The following SCAMP4 variants were observed in gnomAD, a reference collection of about 807,000 sequenced individuals.
The protein encoded by SCAMP4 is secretory carrier-associated membrane protein 4.
SCAMP4 carries 19 observed loss-of-function variants against 32.1 expected under a neutral mutation model. The ratio of observed to expected loss-of-function variants is 0.59; its 90% CI spans 0.41 to 0.87. The LOEUF (loss-of-function observed/expected upper bound fraction) is 0.87, where lower values mean the gene tolerates loss of function less well. SCAMP4 is among the 40% of genes least tolerant of loss of function. The pLI, the probability that SCAMP4 is intolerant of heterozygous loss-of-function variation, is 0.00. For missense variants in SCAMP4, 302 were observed against 309.0 expected (o/e 0.98, Z 0.17); for synonymous variants, 152 against 132.7 (o/e 1.15, Z -1.00).
chr19:1,920,460 C>T (rs1480011564), intron 5 of SCAMP4: 1 of 642,242 alleles, frequency 1.6e-6, no homozygotes, highest in Non-Finnish European at 1.9e-6. Context: ...CGCCTGGCGC[C>T]AGGCCCTCCA....
At position 1,908,398 on chromosome 19, in the gene SCAMP4, G is replaced by A. The variant is rs545759637; in HGVS notation, c.-42+2959G>A. On this transcript the variant is annotated intron_variant, in intron 1 of 6. Coordinates refer to ENST00000316097, the MANE Select transcript of SCAMP4 (RefSeq NM_079834.4). The surrounding 1 kb of genome is among the most constrained non-coding windows in gnomAD (Gnocchi z 4.2). ...TCCCCCATCTGTGGGGCGCCCCGGC[G>A]GCTGAGGCGTGGACCAGGCAGTGCA... 1.3e-4 allele frequency: 55 copies of A among 424,366 alleles called. No individual in the cohort carries two copies. Among genetic ancestry groups the A allele is most frequent in the African/African-American group, 5.7e-4 (28 of 49,048 alleles). 26.3% of individuals were successfully genotyped at this position (424,366 alleles called of 1,614,324 possible). A position where few individuals can be genotyped will look rare whatever the true frequency, so the allele number is the denominator to read the frequency against.
chr19:1,912,735 T>G (rs746157153), intron 1 of SCAMP4: 3 of 1,536,948 alleles, frequency 2.0e-6, no homozygotes, highest in Non-Finnish European at 2.6e-6. Flanking sequence ...CGGCCACGAC[T>G]GCAGCTGCGC....
chr19:1,924,006 T>C (rs10526851), intron 6 of SCAMP4, 102 bp from the exon 7 acceptor site: 312,246 of 463,780 alleles, frequency 0.67, 116,228 homozygotes, highest in East Asian at 0.75. Context: ...ACAGTCTGTC[T>C]GCCTCGGCCT....
chr19:1,919,293 C>T (rs1384013511), intron 5 of SCAMP4: 1 of 1,228,556 alleles, frequency 8.1e-7, no homozygotes, highest in African/African-American at 1.5e-5. Context: ...TTGATCACAC[C>T]CCTGACCCGG....
At position 1,917,837 on chromosome 19, in the gene SCAMP4, G is replaced by A. The variant is rs1371523529; in HGVS notation, c.136+15G>A. On this transcript the variant is annotated intron_variant, in intron 3 of 6. Transcript: ENST00000316097. ...GCTGTGGATGTGTGAGTGCGCCTGG[G>A]GGCAGGAGGCGGGAAGCGGGAGGCA... The A allele has an allele frequency of 1.2e-6, 2 of 1,613,372 alleles. No individual in the cohort carries two copies. The highest frequency in any genetic ancestry group is 2.7e-5 in the African/African-American group (2 of 74,950).
At chr19:1,906,251 T>TG (rs2013107203) in intron 1 of SCAMP4, 2 of 152,120 alleles carry the variant, frequency 1.3e-5, no homozygotes, top group South Asian at 4.1e-4. Context: ...AACCAGCTAC[T>TG]GGGGAGGCCA....
In SCAMP4 at chr19:1,924,093, C is replaced by T. The variant is rs369503670; in HGVS notation, c.514-15C>T. On this transcript the variant is annotated splice_polypyrimidine_tract_variant and intron_variant, in intron 6 of 6. Coordinates refer to ENST00000316097, the MANE Select transcript of SCAMP4 (RefSeq NM_079834.4). ...CATTTTCTGTCTTCTGCCTCCCTGT[C>T]CTCTGTCCTTGCAGGTGCACAGGAT... The T allele has an allele frequency of 3.8e-6, 6 of 1,599,860 alleles. No homozygotes were observed. Among genetic ancestry groups the T allele is most frequent in the East Asian group, 2.3e-5 (1 of 44,216 alleles).
In SCAMP4 at chr19:1,908,575, G is replaced by A. The variant is rs989946775; in HGVS notation, c.-42+3136G>A. The A allele has an allele frequency of 6.4e-6, 3 of 471,032 alleles. No homozygotes were observed. The highest frequency in any genetic ancestry group is 2.3e-5 in the Admixed American group (1 of 42,556). 29.2% of individuals were successfully genotyped at this position (471,032 alleles called of 1,614,324 possible). ...CTGGAGTCATTTTAAGATCATCTGC[G>A]GCTTAGCCCCAGCACCATCTGAGGC... On this transcript the variant is annotated intron_variant, in intron 1 of 6. Transcript: ENST00000316097. This position sits in a 1 kb window ranked among gnomAD's most constrained non-coding sequence, Gnocchi z 4.2.
At chr19:1,920,688 G>C in intron 5 of SCAMP4, 1 of 985,430 alleles carries the variant, frequency 1.0e-6, no homozygotes, top group Non-Finnish European at 1.2e-6. Context: ...GTCATCCTCC[G>C]AGTCCTCCTG....
chr19:1,913,281 G>T (rs1187798522), intron 1 of SCAMP4: 6 of 1,318,604 alleles, frequency 4.6e-6, no homozygotes, highest in African/African-American at 1.5e-5. Flanking sequence ...CTCCAGCGGG[G>T]AGCACGGGTG....
At chr19:1,912,449 CGGCCTG>C in intron 1 of SCAMP4, 1 of 1,506,766 alleles carries the variant, frequency 6.6e-7, no homozygotes, top group Non-Finnish European at 8.8e-7. Context: ...TGGACCCCCG[CGGCCTG>C]GGGCAACCCT....
At chr19:1,918,444 A>C (rs1382552321) in intron 4 of SCAMP4, among the ~76,000 whole-genome samples, 161 bp downstream of exon 4, 1 of 152,200 alleles carries the variant, frequency 6.6e-6, no homozygotes, top group Non-Finnish European at 1.5e-5. Flanking sequence ...GCCAGAGCCA[A>C]CTACTGTCTG....
chr19:1,913,191 C>T (rs1161360866), intron 1 of SCAMP4: 20 of 1,469,432 alleles, frequency 1.4e-5, no homozygotes, highest in Non-Finnish European at 1.6e-5. Context: ...CGCTCCCGGC[C>T]GTGGGGCGCC....
intron 1 of SCAMP4, chr19:1,913,157 GC>G: frequency 6.5e-7 from 1 of 1,529,338 alleles, no homozygotes; most frequent in Non-Finnish European, 8.8e-7. Flanking sequence ...CGTAGGCGCC[GC>G]CCTCCTGCCT....
chr19:1,915,852 A>C (rs926301934), intron 2 of SCAMP4, among the ~76,000 whole-genome samples: 2 of 151,960 alleles, frequency 1.3e-5, no homozygotes, highest in Admixed American at 1.3e-4. Flanking sequence ...AGGCTGAGGC[A>C]GGAGAATGGT....
At chr19:1,923,538 C>T (rs143953090) in intron 6 of SCAMP4, among the ~76,000 whole-genome samples, 18 of 151,010 alleles carry the variant, frequency 1.2e-4, no homozygotes, top group South Asian at 2.1e-4. Context: ...TGCAGGTTCC[C>T]GGTCACAGTT....
chr19:1,914,030 A>C (rs1249735598), intron 1 of SCAMP4, among the ~76,000 whole-genome samples: 1 of 152,044 alleles, frequency 6.6e-6, no homozygotes, highest in Non-Finnish European at 1.5e-5. Context: ...GGTGGGACTG[A>C]GGTGGGCTGG....
In SCAMP4 at chr19:1,924,373, GCC is replaced by G. The variant is rs1485221833; in HGVS notation, c.*92_*93del. ...GTCCCGAGGGCTGGGAGTACCTGGG[GCC>G]CCATCCCCCCAGCTGGGATGGTGGA... On this transcript the variant is annotated 3_prime_UTR_variant, in exon 7 of 7. Transcript: ENST00000316097. 1.5e-6 allele frequency: 2 copies of G among 1,306,558 alleles called. No individual in the cohort carries two copies. Among genetic ancestry groups the G allele is most frequent in the Non-Finnish European group, 2.1e-6 (2 of 960,640 alleles). 80.9% of individuals were successfully genotyped at this position (1,306,558 alleles called of 1,614,324 possible). A position where few individuals can be genotyped will look rare whatever the true frequency, so the allele number is the denominator to read the frequency against.
At chr19:1,909,654 T>C (rs2013331876) in intron 1 of SCAMP4, among the ~76,000 whole-genome samples, 1 of 151,802 alleles carries the variant, frequency 6.6e-6, no homozygotes. Flanking sequence ...GGCCGGGAGG[T>C]TCTCACCCGA....
Sources: allele counts gnomAD v4.1 joint callset (sites outside exome capture counted in the v4.1 genomes callset), GRCh38; gene constraint gnomAD v4.1.1; non-coding constraint Gnocchi (gnomAD v3.1); transcripts MANE v1.5; gene names NCBI Gene and HGNC (gene_info 2026-07-23, HGNC 2026-07-21).